CHSY3: variants seen among roughly 807,000 people sequenced by gnomAD.
CHSY3 encodes N-acetylgalactosaminyl-proteoglycan 3-beta-glucuronosyltransferase 3.
In CHSY3, 35 loss-of-function variants were observed where a neutral mutation model predicts 67.2. The ratio of observed to expected loss-of-function variants is 0.52; its 90% CI spans 0.40 to 0.69. The LOEUF (loss-of-function observed/expected upper bound fraction) is 0.69, where lower values mean the gene tolerates loss of function less well. Among genes scored for constraint, CHSY3 ranks in the 30% least tolerant of loss-of-function variants. The pLI is 0.00. For synonymous variants in CHSY3, 474 were observed against 434.7 expected (o/e 1.09, Z -1.12); for missense variants, 1,069 against 1,138.5 (o/e 0.94, Z 0.88).
intron 2 of CHSY3, among the ~76,000 whole-genome samples, chr5:129,985,944 G>C (rs1763187212): frequency 6.6e-6 from 1 of 151,964 alleles, no homozygotes; most frequent in Non-Finnish European, 1.5e-5. Flanking sequence ...GGATTTTCTA[G>C]GTATAGTATC....
intron 2 of CHSY3, among the ~76,000 whole-genome samples, chr5:130,040,412 C>G (rs1430520868): frequency 1.3e-5 from 2 of 152,054 alleles, no homozygotes; most frequent in Non-Finnish European, 2.9e-5. Context: ...CTAAAGTTTG[C>G]TCCCCGAAAT....
At chr5:130,017,598 A>T (rs987514272) in intron 2 of CHSY3, among the ~76,000 whole-genome samples, 3 of 152,122 alleles carry the variant, frequency 2.0e-5, no homozygotes, top group Non-Finnish European at 2.9e-5. Context: ...ACAGGCTTTT[A>T]AAAAAATCTC....
chr5:129,987,070 G>A (rs1286298857), intron 2 of CHSY3, among the ~76,000 whole-genome samples: 2 of 152,062 alleles, frequency 1.3e-5, no homozygotes, highest in African/African-American at 4.8e-5. Context: ...TCAAAATTTT[G>A]TTTCATTAAA....
chr5:129,905,087 A>G lies in CHSY3; in HGVS notation c.258A>G (p.Pro86=), dbSNP rs1400194749. ...CCGCGCGCCAGGATCTCCAGGGGCC[A>G]CCGCTGCCCGAGGCAGCACCCGGGA... The part of the protein sequence containing the change: ...PPPARQDLQG[P]PLPEAAPGIT... The change falls in exon 1 of 3, where the codon CCA becomes CCG. Residue 86 remains proline (P), a synonymous_variant. Coordinates refer to ENST00000305031, the MANE Select transcript of CHSY3 (RefSeq NM_175856.5). 1.3e-6 allele frequency: 2 copies of G among 1,542,670 alleles called. No homozygotes were observed.
intron 2 of CHSY3, among the ~76,000 whole-genome samples, chr5:130,063,808 A>C (rs1390678456): frequency 1.2e-4 from 18 of 152,212 alleles, no homozygotes; most frequent in Admixed American, 1.2e-3. Context: ...AAGCTAGCCC[A>C]ATGCTGTGTG....
At chr5:130,080,625 C>T (rs980321511) in intron 2 of CHSY3, among the ~76,000 whole-genome samples, 2 of 152,032 alleles carry the variant, frequency 1.3e-5, no homozygotes, top group Admixed American at 6.6e-5. Context: ...AATGACCTCT[C>T]TTTTAAAAAG....
At chr5:129,977,721 G>GT (rs1427177572) in intron 2 of CHSY3, among the ~76,000 whole-genome samples, 2 of 152,004 alleles carry the variant, frequency 1.3e-5, no homozygotes, top group African/African-American at 4.8e-5. Context: ...TCATGGCCAA[G>GT]TTTTATCATG....
At chr5:130,028,388 G>T (rs1357440054) in intron 2 of CHSY3, among the ~76,000 whole-genome samples, 1 of 152,014 alleles carries the variant, frequency 6.6e-6, no homozygotes, top group Non-Finnish European at 1.5e-5. Flanking sequence ...TAACAAACCT[G>T]ACAAAAACAA....
chr5:129,905,027 C>A lies in CHSY3; in HGVS notation c.198C>A (p.Pro66=). ...RAGAQQPLPQ[P]QSRPRQEQSP... The stretch of plus-strand genomic sequence containing the variant: ...GCGCTCAGCAGCCGCTCCCCCAGCC[C>A]CAGTCCCGACCACGGCAGGAGCAGT... The change falls in exon 1 of 3, where the codon CCC becomes CCA. Residue 66 remains proline (P), a synonymous_variant. Coordinates refer to ENST00000305031, the MANE Select transcript of CHSY3 (RefSeq NM_175856.5). 1 of 1,560,860 alleles carries A rather than the reference C, an allele frequency of 6.4e-7. No individual in the cohort carries two copies. Among genetic ancestry groups the A allele is most frequent in the Non-Finnish European group, 8.6e-7 (1 of 1,159,988 alleles).
chr5:129,935,284 G>T (rs760888338), intron 2 of CHSY3, among the ~76,000 whole-genome samples: 1 of 152,058 alleles, frequency 6.6e-6, no homozygotes, highest in Non-Finnish European at 1.5e-5. Context: ...TCACATATAC[G>T]TGAAATATGA....
chr5:130,060,909 C>T (rs187167148), intron 2 of CHSY3, among the ~76,000 whole-genome samples: 28 of 152,112 alleles, frequency 1.8e-4, no homozygotes, highest in Admixed American at 7.9e-4. Context: ...TGAAAGAAAT[C>T]ATAGATAACA....
intron 2 of CHSY3, among the ~76,000 whole-genome samples, chr5:129,922,037 T>G (rs1760942278): frequency 6.6e-6 from 1 of 152,178 alleles, no homozygotes; most frequent in Non-Finnish European, 1.5e-5. Flanking sequence ...CTACTCCCCG[T>G]CTTCATGAGT....
chr5:130,011,500 A>G (rs1373961038), intron 2 of CHSY3, among the ~76,000 whole-genome samples: 4 of 152,182 alleles, frequency 2.6e-5, no homozygotes, highest in African/African-American at 9.7e-5. Flanking sequence ...ACCTATTACA[A>G]ACCAACAGCC....
chr5:130,041,156 A>C (rs1201044321), intron 2 of CHSY3, among the ~76,000 whole-genome samples: 1 of 151,958 alleles, frequency 6.6e-6, no homozygotes. Flanking sequence ...CTTACCCCCC[A>C]AAAAAGTTAC....
intron 2 of CHSY3, among the ~76,000 whole-genome samples, chr5:130,135,029 T>C (rs1324818518): frequency 6.6e-6 from 1 of 152,050 alleles, no homozygotes; most frequent in Non-Finnish European, 1.5e-5. Context: ...ATACTTTGAA[T>C]ACCTTGTGTA....
intron 2 of CHSY3, among the ~76,000 whole-genome samples, chr5:130,047,180 GAAAATA>G (rs1260872132): frequency 6.6e-6 from 1 of 151,760 alleles, no homozygotes; most frequent in East Asian, 1.9e-4. Context: ...AAAGTCTTGG[GAAAATA>G]AAAATAAAAA....
chr5:129,917,255 T>A (rs1760758635), intron 2 of CHSY3, among the ~76,000 whole-genome samples: 1 of 152,182 alleles, frequency 6.6e-6, no homozygotes, highest in Admixed American at 6.5e-5. Flanking sequence ...CTGAGGTGCA[T>A]TGTTTCTAAG....
At chr5:130,160,814 A>G (rs1050501949) in intron 2 of CHSY3, among the ~76,000 whole-genome samples, 1 of 152,168 alleles carries the variant, frequency 6.6e-6, no homozygotes, top group Non-Finnish European at 1.5e-5. Context: ...CACTACAACT[A>G]CAGATAATCC....
At chr5:130,154,788 A>T (rs947608047) in intron 2 of CHSY3, among the ~76,000 whole-genome samples, 1 of 152,098 alleles carries the variant, frequency 6.6e-6, no homozygotes, top group Non-Finnish European at 1.5e-5. Flanking sequence ...TATTGTTAGG[A>T]GTGTGAGATA....
Sources: allele counts gnomAD v4.1 joint callset (sites outside exome capture counted in the v4.1 genomes callset), GRCh38; gene constraint gnomAD v4.1.1; transcripts MANE v1.5; gene names NCBI Gene and HGNC (gene_info 2026-07-23, HGNC 2026-07-21).